LRRC63: variants seen among roughly 807,000 people sequenced by gnomAD.
LRRC63 encodes leucine-rich repeat-containing protein 63.
A neutral mutation model predicts 49.5 loss-of-function variants in LRRC63; 40 were observed. That is an observed-to-expected ratio of 0.81 (90% CI 0.63 to 1.05). The LOEUF (loss-of-function observed/expected upper bound fraction) is 1.05, where lower values mean the gene tolerates loss of function less well. Among genes scored for constraint, LRRC63 ranks in the 50% least tolerant of loss-of-function variants. The probability of loss-of-function intolerance (pLI) is 0.00; values close to 1 mark genes in which losing one functional copy is unlikely to be tolerated. For missense variants in LRRC63, 636 were observed against 663.1 expected, an observed-to-expected ratio of 0.96 and a Z score of 0.45; for synonymous variants, 191 against 221.1, an observed-to-expected ratio of 0.86 and a Z score of 1.21.
intron 2 of LRRC63, among the ~76,000 whole-genome samples, chr13:46,219,148 G>A (rs1238634861): frequency 6.6e-6 from 1 of 152,184 alleles, no homozygotes; most frequent in Non-Finnish European, 1.5e-5. Flanking sequence ...ATGTTGGTCT[G>A]TCTTGCTAGG....
chr13:46,262,384 CTA>C (rs2047627444), intron 8 of LRRC63, among the ~76,000 whole-genome samples: 1 of 151,876 alleles, frequency 6.6e-6, no homozygotes, highest in African/African-American at 2.4e-5. Context: ...TGAAGTTTAT[CTA>C]TGTCCTTCTA....
rs1391556900 is a variant in LRRC63 at position 46,246,778 on chromosome 13, A to T, written c.1089+153A>T. Among the ~76,000 whole-genome samples the T allele has an allele frequency of 2.0e-5, 3 of 152,168 alleles. No homozygotes were observed. The East Asian group carries it at 5.8e-4, about 29-fold the overall frequency. On this transcript the variant is annotated intron_variant, in intron 6 of 9. Coordinates refer to ENST00000595396, the Ensembl canonical transcript of LRRC63. Reference sequence around the variant, plus strand: ...TTGAATGGCTTATTTTCAGAAGCACAAAATGTACAGTACATCTTTCTTAGG... The same window carrying T: ...TTGAATGGCTTATTTTCAGAAGCACTAAATGTACAGTACATCTTTCTTAGG...
chr13:46,252,530 A>G (rs889202962), intron 7 of LRRC63, among the ~76,000 whole-genome samples: 4 of 152,046 alleles, frequency 2.6e-5, no homozygotes, highest in Admixed American at 6.6e-5. Context: ...CTCACCACCT[A>G]AAAGGAAGGC....
chr13:46,274,943 A>G (rs2047812981), intron 9 of LRRC63, among the ~76,000 whole-genome samples: 1 of 152,020 alleles, frequency 6.6e-6, no homozygotes, highest in African/African-American at 2.4e-5. Flanking sequence ...TAAAACTCCT[A>G]TCTACCTGTG....
In LRRC63 at chr13:46,231,960, C is replaced by T. The variant is rs541369221; in HGVS notation, c.833-2232C>T. Among the ~76,000 whole-genome samples the T allele has an allele frequency of 2.2e-4, 34 of 151,958 alleles. 1 individual carries two copies. In the South Asian group the frequency reaches 5.2e-3, roughly 23 times the overall value. The stretch of plus-strand genomic sequence containing the variant: ...CCTCACGAGTAGCTAGGACTACAGG[C>T]GCCCGCCACCATGCCCAGCTAATTT... On this transcript the variant is annotated intron_variant, in intron 4 of 9. Transcript: ENST00000595396.
chr13:46,228,174 A>C (rs762570888), exon 3 of LRRC63: 2 of 1,547,096 alleles, frequency 1.3e-6, no homozygotes, highest in African/African-American at 2.7e-5. Flanking sequence ...AAAACCTCAC[A>C]GGCAGTCTGT....
At chr13:46,232,202 A>G (rs1298492656) in intron 4 of LRRC63, among the ~76,000 whole-genome samples, 1 of 152,092 alleles carries the variant, frequency 6.6e-6, no homozygotes, top group South Asian at 2.1e-4. Flanking sequence ...CATGACCCAA[A>G]CACCTCCCTC....
chr13:46,262,552 A>G (rs1189898299), intron 8 of LRRC63, among the ~76,000 whole-genome samples: 1 of 152,176 alleles, frequency 6.6e-6, no homozygotes, highest in Non-Finnish European at 1.5e-5. Flanking sequence ...AGCACACATA[A>G]TCACAGAGTT....
intron 7 of LRRC63, 138 bp downstream of exon 7, chr13:46,250,629 T>G (rs1594076353): frequency 1.5e-6 from 1 of 687,770 alleles, no homozygotes; most frequent in East Asian, 2.8e-5. Flanking sequence ...CTAATACGCT[T>G]CTTCTTATGG....
chr13:46,254,740 T>A (rs2047466634), intron 7 of LRRC63, among the ~76,000 whole-genome samples: 1 of 152,162 alleles, frequency 6.6e-6, no homozygotes, highest in Non-Finnish European at 1.5e-5. Flanking sequence ...AGTGAATGTT[T>A]GAGAGATGAT....
At chr13:46,248,461 A>G (rs9595443) in intron 6 of LRRC63, among the ~76,000 whole-genome samples, 11,405 of 151,980 alleles carry the variant, frequency 0.075, 1,399 homozygotes, top group African/African-American at 0.26. Context: ...GAAAATATAT[A>G]TCATGCAAAC....
intron 7 of LRRC63, among the ~76,000 whole-genome samples, chr13:46,256,269 G>C (rs1444609582): frequency 1.3e-5 from 2 of 152,202 alleles, no homozygotes; most frequent in African/African-American, 2.4e-5. Flanking sequence ...ATGAAAAAAG[G>C]CTGTCAGATC....
At position 46,256,393 on chromosome 13, in the gene LRRC63, G is replaced by A. The variant is rs573884011; in HGVS notation, c.1227-5516G>A. Among the ~76,000 whole-genome samples, 95 of 152,328 alleles carry A rather than the reference G, an allele frequency of 6.2e-4. 1 individual carries two copies. Among genetic ancestry groups the A allele is most frequent in the South Asian group, 2.5e-3 (12 of 4,828 alleles). ...TGGGGAGGATGAAACCAGGAGCACC[G>A]AAGGTGGAGCTGTGATTCTAAAAGA... On this transcript the variant is annotated intron_variant, in intron 7 of 9. Coordinates refer to ENST00000595396, the Ensembl canonical transcript of LRRC63.
chr13:46,233,339 A>G (rs2046817840), intron 4 of LRRC63, among the ~76,000 whole-genome samples: 1 of 152,134 alleles, frequency 6.6e-6, no homozygotes, highest in South Asian at 2.1e-4. Context: ...ATTACATTAT[A>G]TATCTTTCTT....
intron 2 of LRRC63, among the ~76,000 whole-genome samples, chr13:46,226,280 G>A (rs1435727487): frequency 6.6e-6 from 1 of 152,100 alleles, no homozygotes; most frequent in Non-Finnish European, 1.5e-5. Context: ...TACTGTGCCT[G>A]GCCCTACTCT....
intron 7 of LRRC63, among the ~76,000 whole-genome samples, chr13:46,258,753 G>A (rs1747136058): frequency 7.1e-6 from 1 of 140,988 alleles, no homozygotes. Flanking sequence ...AGGTTGCAGT[G>A]AGCCAAGATC....
intron 9 of LRRC63, among the ~76,000 whole-genome samples, chr13:46,269,084 C>A (rs554264693): frequency 2.6e-4 from 39 of 151,588 alleles, no homozygotes; most frequent in African/African-American, 9.4e-4. Context: ...ACACGTTATC[C>A]CCAAATAGAG....
At chr13:46,264,329 C>A (rs572962415) in intron 8 of LRRC63, among the ~76,000 whole-genome samples, 1 of 152,160 alleles carries the variant, frequency 6.6e-6, no homozygotes, top group Non-Finnish European at 1.5e-5. Flanking sequence ...CCTTCTCCAT[C>A]TGTTTCGTAT....
chr13:46,225,303 C>A (rs893610630), intron 2 of LRRC63, among the ~76,000 whole-genome samples: 1 of 152,168 alleles, frequency 6.6e-6, no homozygotes, highest in Non-Finnish European at 1.5e-5. Flanking sequence ...CTCCAGATCC[C>A]AGGCATGCAG....
Sources: gnomAD v4.1 joint callset for allele counts (sites outside exome capture counted in the v4.1 genomes callset) on GRCh38, gnomAD v4.1.1 for gene constraint, MANE v1.5 for transcripts, NCBI Gene and HGNC (gene_info 2026-07-23, HGNC 2026-07-21) for gene names.